Variants in CREBBP observed in about 807,000 individuals in gnomAD.
CREBBP encodes the protein CREB-binding protein.
Under a neutral mutation model 265.0 loss-of-function variants are expected in CREBBP, and 19 were observed. The observed-to-expected ratio is 0.07, with a 90% CI of 0.05 to 0.11. The LOEUF (loss-of-function observed/expected upper bound fraction) is 0.11, where lower values mean the gene tolerates loss of function less well. Among genes scored for constraint, CREBBP ranks in the 10% least tolerant of loss-of-function variants. CREBBP has a pLI of 1.00. For missense variants in CREBBP, 2,525 were observed against 3,219.0 expected, an observed-to-expected ratio of 0.78 and a Z score of 5.22; for synonymous variants, 1,457 against 1,223.7, an observed-to-expected ratio of 1.19 and a Z score of -3.98.
At chr16:3,735,517 C>T (rs1021750723) in intron 28 of CREBBP, among the ~76,000 whole-genome samples, 6 of 152,122 alleles carry the variant, frequency 3.9e-5, no homozygotes, top group African/African-American at 1.4e-4. Context: ...AGGCTGGTCT[C>T]CCTTTCCTGA....
chr16:3,875,892 C>G (rs2055389975), intron 1 of CREBBP, among the ~76,000 whole-genome samples: 1 of 152,154 alleles, frequency 6.6e-6, no homozygotes, highest in Non-Finnish European at 1.5e-5. Flanking sequence ...TGGTTGACAA[C>G]CATATTCGCC....
chr16:3,790,405 G>A (rs550656537), intron 5 of CREBBP, among the ~76,000 whole-genome samples: 27 of 102,868 alleles, frequency 2.6e-4, no homozygotes, highest in Admixed American at 7.6e-4. Flanking sequence ...ACGGAGTTTC[G>A]CCCTTGTTGC....
chr16:3,845,895 A>C (rs1447014092), intron 2 of CREBBP, among the ~76,000 whole-genome samples: 1 of 151,564 alleles, frequency 6.6e-6, no homozygotes, highest in Admixed American at 6.6e-5. Flanking sequence ...TCAAAAAAAA[A>C]AAAAAAAAAA....
intron 11 of CREBBP, among the ~76,000 whole-genome samples, chr16:3,776,961 T>C (rs140331890): frequency 0.015 from 2,209 of 151,344 alleles, 16 homozygotes; most frequent in Middle Eastern, 0.032. Flanking sequence ...GAGCTTGCAG[T>C]GAGCCCAGAT....
Position 3,728,704 on chromosome 16 carries a change from T to C in CREBBP, c.6343A>G (p.Met2115Val), listed in dbSNP as rs150774470. Residue 2115 changes from methionine (M) to valine (V), a missense_variant, in exon 31 of 31, where the codon ATG becomes GTG. Around this residue, in one of 19 missense-constraint regions of CREBBP, gnomAD observed 473 missense variants for 459.3 expected, o/e 1.03. Coordinates refer to ENST00000262367, the MANE Select transcript of CREBBP (RefSeq NM_004380.3). The surrounding 1 kb of genome is among the most constrained non-coding windows in gnomAD (Gnocchi z 8.7). Reference protein sequence around the residue: ...TAKYVANQPGMQPQPGLQSQP... With the variant: ...TAKYVANQPGVQPQPGLQSQP... ...GACTGGAGGCCAGGCTGGGGCTGCA[T>C]GCCGGGCTGATTGGCCACGTACTTG... is the stretch of plus-strand genomic sequence containing the variant. The C allele has an allele frequency of 7.6e-5, 123 of 1,613,854 alleles. No individual in the cohort carries two copies. Among genetic ancestry groups the C allele is most frequent in the Non-Finnish European group, 1.0e-4 (121 of 1,179,992 alleles).
chr16:3,863,968 C>T (rs987066618), intron 1 of CREBBP, among the ~76,000 whole-genome samples: 1 of 152,168 alleles, frequency 6.6e-6, no homozygotes, highest in African/African-American at 2.4e-5. Flanking sequence ...CACCAGACCC[C>T]GGAGAGGTGC....
intron 3 of CREBBP, among the ~76,000 whole-genome samples, chr16:3,801,223 T>C (rs945252190): frequency 6.6e-6 from 1 of 152,320 alleles, no homozygotes; most frequent in East Asian, 1.9e-4. Context: ...CCTTGCATTA[T>C]AAAGTGTTCT....
intron 26 of CREBBP, 47 bp from the exon 27 acceptor site, chr16:3,736,862 G>C (rs374259574): frequency 6.2e-7 from 1 of 1,611,316 alleles, no homozygotes; most frequent in Non-Finnish European, 8.5e-7. Flanking sequence ...CAGTGAAATC[G>C]GCCCTGCCTT....
chr16:3,783,258 C>CAAATGTATGACAAGGG (rs1328470251), intron 5 of CREBBP, among the ~76,000 whole-genome samples: 1 of 152,154 alleles, frequency 6.6e-6, no homozygotes, highest in Non-Finnish European at 1.5e-5. Context: ...CAGGGAGTGG[C>CAAATGTATGACAAGGG]AAATGTATGA....
At chr16:3,767,933 CAT>C (rs773664012) in intron 15 of CREBBP, 24 bp from the exon 16 acceptor site, 12 of 1,610,426 alleles carry the variant, frequency 7.5e-6, no homozygotes, top group Non-Finnish European at 1.0e-5. Flanking sequence ...TTACAGATAA[CAT>C]ATGAATATCA....
In CREBBP at chr16:3,777,977, G is replaced by A. The variant is rs1277411802; in HGVS notation, c.2113+34C>T. On this transcript the variant is annotated intron_variant, in intron 10 of 30. Coordinates refer to ENST00000262367, the MANE Select transcript of CREBBP (RefSeq NM_004380.3). The stretch of plus-strand genomic sequence containing the variant: ...ACACGAAGGAAAACCAAGGAAACAG[G>A]CTAAGGGATGGCAGTAGGAAATAAA... The A allele has an allele frequency of 4.3e-6, 7 of 1,609,550 alleles. No individual in the cohort carries two copies. The South Asian group carries it at 4.4e-5, about 10-fold the overall frequency.
chr16:3,741,522 T>C (rs1396192808), intron 23 of CREBBP: 1 of 152,256 alleles, frequency 6.6e-6, no homozygotes, highest in Non-Finnish European at 1.5e-5. Flanking sequence ...AAGAAAAATG[T>C]GGCCGGGCAC....
intron 2 of CREBBP, among the ~76,000 whole-genome samples, chr16:3,822,524 GGAA>G (rs1825686155): frequency 6.6e-6 from 1 of 152,170 alleles, no homozygotes. Flanking sequence ...TGTGGGAGCA[GGAA>G]GAACAGCTCG....
At chr16:3,824,381 C>A (rs1308909360) in intron 2 of CREBBP, among the ~76,000 whole-genome samples, 1 of 152,294 alleles carries the variant, frequency 6.6e-6, no homozygotes, top group East Asian at 1.9e-4. Context: ...TAAATGTCCA[C>A]AAAAAAGTGG....
intron 19 of CREBBP, among the ~76,000 whole-genome samples, chr16:3,756,668 C>T (rs1334499177): frequency 6.6e-6 from 1 of 152,162 alleles, no homozygotes; most frequent in Non-Finnish European, 1.5e-5. Context: ...AAATAAAGAT[C>T]ATGGACCCTT....
intron 2 of CREBBP, among the ~76,000 whole-genome samples, chr16:3,829,598 A>C (rs1247561036): frequency 2.0e-5 from 3 of 152,222 alleles, no homozygotes; most frequent in African/African-American, 7.2e-5. Context: ...TGAGACCCCA[A>C]GGCCATGTCT....
rs189480240 is a variant in CREBBP, at chr16:3,793,243, G to A, written c.1216+143C>T. The A allele has an allele frequency of 1.5e-4, 167 of 1,112,080 alleles. 1 individual carries two copies. In the Admixed American group the frequency reaches 2.4e-3, roughly 16 times the overall value. The allele number at this position is 1,112,080 out of a possible 1,614,324, so 68.9% of individuals were successfully genotyped here. On this transcript the variant is annotated intron_variant, in intron 4 of 30. Transcript: ENST00000262367. Reference sequence around the variant, plus strand: ...ACCTGACTGTCGTCGCGTGGGGAACGTGAGCGCAACATGTCTTGCCACACC... The same window carrying A: ...ACCTGACTGTCGTCGCGTGGGGAACATGAGCGCAACATGTCTTGCCACACC...
At chr16:3,748,406 G>A (rs1283371031) in intron 21 of CREBBP, among the ~76,000 whole-genome samples, 4 of 152,226 alleles carry the variant, frequency 2.6e-5, no homozygotes, top group African/African-American at 9.6e-5. Context: ...TCATGAGAGG[G>A]GTGGGCGCTC....
intron 2 of CREBBP, among the ~76,000 whole-genome samples, chr16:3,840,252 A>G (rs1273500309): frequency 2.0e-5 from 3 of 152,202 alleles, no homozygotes; most frequent in East Asian, 3.8e-4. Flanking sequence ...TTCTCTTGCT[A>G]TTAAATATTA....
Sources: gnomAD v4.1 joint callset for allele counts (sites outside exome capture counted in the v4.1 genomes callset) on GRCh38, gnomAD v4.1.1 for gene constraint, gnomAD v4.1.1 regional missense constraint, Gnocchi (gnomAD v3.1) non-coding constraint, MANE v1.5 for transcripts, NCBI Gene and HGNC (gene_info 2026-07-23, HGNC 2026-07-21) for gene names.